The following SDK1 variants were observed in gnomAD, a reference collection of about 807,000 sequenced individuals.
SDK1 encodes protein sidekick-1.
Under a neutral mutation model 245.5 loss-of-function variants are expected in SDK1, and 157 were observed. The observed-to-expected ratio is 0.64, with a 90% CI of 0.56 to 0.73. The LOEUF (loss-of-function observed/expected upper bound fraction) is 0.73, where lower values mean the gene tolerates loss of function less well. SDK1 is among the 30% of genes least tolerant of loss of function. The pLI, the probability that SDK1 is intolerant of heterozygous loss-of-function variation, is 0.00. For missense variants in SDK1, 3,583 were observed against 3,002.3 expected, an observed-to-expected ratio of 1.19 and a Z score of -4.52; for synonymous variants, 1,647 against 1,278.5, an observed-to-expected ratio of 1.29 and a Z score of -6.15.
chr7:3,965,483 A>G (rs1435950435), intron 9 of SDK1, among the ~76,000 whole-genome samples: 1 of 152,156 alleles, frequency 6.6e-6, no homozygotes, highest in Non-Finnish European at 1.5e-5. Flanking sequence ...TTGTAGTAGG[A>G]GGTTTTTTGC....
At chr7:3,977,993 G>A (rs1161431235) in intron 13 of SDK1, among the ~76,000 whole-genome samples, 2 of 152,142 alleles carry the variant, frequency 1.3e-5, no homozygotes, top group Non-Finnish European at 2.9e-5. Context: ...GTAAGCTCAG[G>A]TCGTTCTACC....
intron 1 of SDK1, among the ~76,000 whole-genome samples, chr7:3,580,567 G>A (rs1780446199): frequency 6.6e-6 from 1 of 152,122 alleles, no homozygotes; most frequent in Non-Finnish European, 1.5e-5. Context: ...TCAATAAATG[G>A]TGCTGGGATA....
In SDK1 at chr7:3,641,957, G is replaced by A. The variant is rs1782664068; in HGVS notation, c.566-1G>A. 1 of 1,611,472 alleles carries A rather than the reference G, an allele frequency of 6.2e-7. No individual in the cohort carries two copies. Among genetic ancestry groups the A allele is most frequent in the Admixed American group, 1.7e-5 (1 of 59,456 alleles). ...TTGAAAGCACTTCTTTTTCTCTGCA[G>A]ATATGGGAAGTTTCATGGATACGGA... On this transcript the variant is annotated splice_acceptor_variant, in intron 3 of 44. Transcript: ENST00000404826. LOFTEE classifies it high-confidence loss of function.
chr7:3,319,053 G>C (rs1429816324), intron 1 of SDK1, among the ~76,000 whole-genome samples: 1 of 151,984 alleles, frequency 6.6e-6, no homozygotes, highest in African/African-American at 2.4e-5. Context: ...GGTGGGGATG[G>C]GAAGGACAAA....
chr7:4,221,012 G>A (rs1341841431), intron 39 of SDK1, among the ~76,000 whole-genome samples: 1 of 151,862 alleles, frequency 6.6e-6, no homozygotes, highest in Non-Finnish European at 1.5e-5. Context: ...GGGCTCAAGC[G>A]ATCCACCTAT....
chr7:3,720,631 G>A (rs1306748624), intron 4 of SDK1, among the ~76,000 whole-genome samples: 1 of 152,168 alleles, frequency 6.6e-6, no homozygotes. Context: ...ATTGTTAGTG[G>A]GAATGTAACC....
chr7:3,544,655 C>G (rs758937604), intron 1 of SDK1, among the ~76,000 whole-genome samples: 1 of 152,224 alleles, frequency 6.6e-6, no homozygotes, highest in Non-Finnish European at 1.5e-5. Context: ...TGTACCAAAG[C>G]AGATTTTGTG....
intron 4 of SDK1, among the ~76,000 whole-genome samples, chr7:3,644,713 C>T (rs905508086): frequency 7.5e-6 from 1 of 133,260 alleles, no homozygotes; most frequent in Admixed American, 8.9e-5. Flanking sequence ...TTGGAGGTTG[C>T]AGTGAGCTAC....
At chr7:3,859,884 A>T (rs1391843575) in intron 5 of SDK1, among the ~76,000 whole-genome samples, 1 of 152,160 alleles carries the variant, frequency 6.6e-6, no homozygotes, top group African/African-American at 2.4e-5. Context: ...GATCTTTTTT[A>T]AGAAACAAAG....
At chr7:3,463,243 C>T (rs1780888435) in intron 1 of SDK1, among the ~76,000 whole-genome samples, 1 of 152,162 alleles carries the variant, frequency 6.6e-6, no homozygotes, top group African/African-American at 2.4e-5. Context: ...ATTAATATCT[C>T]AGTAACCATG....
intron 1 of SDK1, among the ~76,000 whole-genome samples, chr7:3,515,299 T>G (rs546201381): frequency 1.3e-5 from 2 of 152,256 alleles, no homozygotes; most frequent in South Asian, 4.1e-4. Context: ...AATTCGTTCT[T>G]CTTTTGTTGT....
chr7:4,157,361 G>C (rs926962603), intron 30 of SDK1, among the ~76,000 whole-genome samples: 5 of 130,776 alleles, frequency 3.8e-5, no homozygotes, highest in Admixed American at 3.6e-4. Context: ...AGGAAAGTGG[G>C]AAGGGAGGAA....
intron 35 of SDK1, among the ~76,000 whole-genome samples, chr7:4,180,706 T>C (rs376105600): frequency 7.9e-5 from 12 of 152,314 alleles, no homozygotes; most frequent in Non-Finnish European, 1.3e-4. Flanking sequence ...TGGGGCGGCC[T>C]CAGGAAGCTT....
intron 12 of SDK1, among the ~76,000 whole-genome samples, 162 bp from the exon 13 acceptor site, chr7:3,974,207 A>G (rs75912373): frequency 1.8e-3 from 275 of 151,672 alleles, no homozygotes; most frequent in African/African-American, 6.5e-3. Context: ...AAAAGAAAGA[A>G]AGAAAAAGAA....
At chr7:3,504,060 G>T (rs1379049292) in intron 1 of SDK1, among the ~76,000 whole-genome samples, 1 of 151,870 alleles carries the variant, frequency 6.6e-6, no homozygotes, top group African/African-American at 2.4e-5. Context: ...TGAGGCAGGA[G>T]AATTGCTTGA....
intron 33 of SDK1, among the ~76,000 whole-genome samples, chr7:4,175,501 A>G (rs1483394873): frequency 6.6e-6 from 1 of 152,166 alleles, no homozygotes; most frequent in Non-Finnish European, 1.5e-5. Context: ...TGTGCCAAAA[A>G]CTAGCATGTT....
intron 38 of SDK1, among the ~76,000 whole-genome samples, chr7:4,214,588 C>T (rs1784683615): frequency 6.6e-6 from 1 of 152,186 alleles, no homozygotes. Flanking sequence ...CGGCCAGGAT[C>T]TCAGCAGAAA....
chr7:4,016,531 GT>G (rs1786412484), intron 16 of SDK1, among the ~76,000 whole-genome samples: 1 of 152,204 alleles, frequency 6.6e-6, no homozygotes, highest in Admixed American at 6.5e-5. Context: ...CCTGAGTTGT[GT>G]ACATTATCTT....
At chr7:4,086,998 C>T (rs1781464648) in intron 22 of SDK1, among the ~76,000 whole-genome samples, 1 of 148,180 alleles carries the variant, frequency 6.7e-6, no homozygotes, top group Non-Finnish European at 1.5e-5. Context: ...GTTGCATTCC[C>T]AGCAGCAACA....
Sources: allele counts gnomAD v4.1 joint callset (sites outside exome capture counted in the v4.1 genomes callset), GRCh38; gene constraint gnomAD v4.1.1; transcripts MANE v1.5; gene names NCBI Gene and HGNC (gene_info 2026-07-23, HGNC 2026-07-21).